The following AGRN variants were observed in gnomAD, a reference collection of about 807,000 sequenced individuals.
AGRN encodes the protein agrin, also known as agrin proteoglycan.
A neutral mutation model predicts 211.0 loss-of-function variants in AGRN; 106 were observed. The ratio of observed to expected loss-of-function variants is 0.50; its 90% CI spans 0.43 to 0.59. The LOEUF (loss-of-function observed/expected upper bound fraction) is 0.59. Ranked by LOEUF, AGRN falls within the 20% of genes least tolerant of loss-of-function variation. AGRN has a pLI of 0.00. For synonymous variants in AGRN, 1,525 were observed against 1,332.5 expected (o/e 1.14, Z -3.15); for missense variants, 3,040 against 2,982.6 (o/e 1.02, Z -0.45).
intron 6 of AGRN, 106 bp from the exon 7 acceptor site, chr1:1,041,850 G>T: frequency 2.6e-6 from 4 of 1,516,000 alleles, no homozygotes; most frequent in Middle Eastern, 2.3e-4. Context: ...CGAGGTGGGC[G>T]GCTCCCCTCT....
chr1:1,054,033 C>T (rs1466502875), intron 34 of AGRN, 56 bp downstream of exon 34: 4 of 1,521,484 alleles, frequency 2.6e-6, no homozygotes, highest in African/African-American at 1.4e-5. Flanking sequence ...CAGACTTGCC[C>T]AGCTGGGCTG....
In AGRN at chr1:1,046,195, G is replaced by A. The variant is rs1458916855; in HGVS notation, c.2841G>A (p.Glu947=). 1.2e-6 allele frequency: 2 copies of A among 1,613,692 alleles called. No homozygotes were observed. Among genetic ancestry groups the A allele is most frequent in the South Asian group, 2.2e-5 (2 of 91,092 alleles). The change falls in exon 17 of 36, where the codon GAG becomes GAA. Residue 947 remains glutamate, a synonymous_variant. Coordinates refer to ENST00000379370, the MANE Select transcript of AGRN (RefSeq NM_198576.4). Reference sequence around the variant, plus strand: ...CAGATGGAGTCACATACGGCAACGAGTGTCAGCTGAAGACCATCGCCTGCC... The same window carrying A: ...CAGATGGAGTCACATACGGCAACGAATGTCAGCTGAAGACCATCGCCTGCC... The part of the protein sequence containing the change: ...CGSDGVTYGN[E]CQLKTIACRQ...
At chr1:1,053,702 C>T in intron 33 of AGRN, 51 bp from the exon 34 acceptor site, 1 of 1,544,338 alleles carries the variant, frequency 6.5e-7, no homozygotes, top group Non-Finnish European at 8.8e-7. Flanking sequence ...CTCCCCCACC[C>T]TGTCCTGTTG....
Position 1,045,273 on chromosome 1 carries a change from C to T in AGRN, c.2367C>T (p.Cys789=), listed in dbSNP as rs765771215. ...CCCGGGGCGTGGGCCTGGCTGGCTGCCCCAGTGAGTACCTGAGCTCAGCCC... is the reference window on the plus strand; with the variant it reads ...CCCGGGGCGTGGGCCTGGCTGGCTGTCCCAGTGAGTACCTGAGCTCAGCCC... ...TAARGVGLAG[C]PSACQCNPHG... The change falls in exon 13 of 36, where the codon TGC becomes TGT. Residue 789 remains cysteine, a synonymous_variant. Coordinates refer to ENST00000379370, the MANE Select transcript of AGRN (RefSeq NM_198576.4). 6.2e-6 allele frequency: 10 copies of T among 1,611,676 alleles called. No individual in the cohort carries two copies. The East Asian group carries it at 2.2e-4, about 36-fold the overall frequency.
At chr1:1,020,830 G>T (rs1338298894) in intron 1 of AGRN, among the ~76,000 whole-genome samples, 1 of 150,276 alleles carries the variant, frequency 6.7e-6, no homozygotes, top group Non-Finnish European at 1.5e-5. Context: ...AGCCAGGTGG[G>T]GGGTGCCGCA....
rs757099636 is a variant in AGRN at position 1,047,587 on chromosome 1, C to T, written c.3531C>T (p.Phe1177=). 1.2e-6 allele frequency: 2 copies of T among 1,612,964 alleles called. No individual in the cohort carries two copies. Among genetic ancestry groups the T allele is most frequent in the Admixed American group, 3.3e-5 (2 of 60,032 alleles). The part of the protein sequence containing the change: ...RSIESTLDDL[F]RNSDVKKDFR... ...CCCTGCCACAGCTGGACGACCTCTTCCGGAATTCAGACGTCAAGAAGGATT... is the reference window on the plus strand; with the variant it reads ...CCCTGCCACAGCTGGACGACCTCTTTCGGAATTCAGACGTCAAGAAGGATT... Residue 1177 remains phenylalanine, a synonymous_variant, in exon 21 of 36, where the codon TTC becomes TTT. Coordinates refer to ENST00000379370, the MANE Select transcript of AGRN (RefSeq NM_198576.4).
chr1:1,048,156 C>A lies in AGRN; in HGVS notation c.3896C>A (p.Ala1299Asp). The A allele has an allele frequency of 6.3e-7, 1 of 1,580,618 alleles. No individual in the cohort carries two copies. The highest frequency in any genetic ancestry group is 8.5e-7 in the Non-Finnish European group (1 of 1,169,980). Residue 1299 changes from alanine to aspartate, a missense_variant, in exon 23 of 36, where the codon GCC becomes GAC. This residue lies in a region of AGRN where 1,537 missense variants were observed against 1,505.0 expected (regional missense o/e 1.02). Coordinates refer to ENST00000379370, the MANE Select transcript of AGRN (RefSeq NM_198576.4). The surrounding 1 kb of genome is among the most constrained non-coding windows in gnomAD (Gnocchi z 5.9). ...PHPSHTSQPVAKTTAAPTTRR... is the reference protein window; with the variant it reads ...PHPSHTSQPVDKTTAAPTTRR... ...CCCAGTCACACAAGCCAGCCCGTTG[C>A]CAAGACCACGGCAGCCCCCACCACA...
Position 1,043,388 on chromosome 1 carries a change from G to A in AGRN, c.1534G>A (p.Ala512Thr), listed in dbSNP as rs780205618. The change falls in exon 8 of 36, where the codon GCG becomes ACG. Residue 512 changes from alanine to threonine, a missense_variant. Around this residue, in one of 3 missense-constraint regions of AGRN, gnomAD observed 1,498 missense variants for 1,457.8 expected, o/e 1.03. Coordinates refer to ENST00000379370, the MANE Select transcript of AGRN (RefSeq NM_198576.4). ...CAGCGACGGCGTCACATACGGCAGCGCGTGCGAGCTGGAGGCCACGGCCTG... is the reference window on the plus strand; with the variant it reads ...CAGCGACGGCGTCACATACGGCAGCACGTGCGAGCTGGAGGCCACGGCCTG... ...CGSDGVTYGS[A>T]CELEATACTL... 1.9e-5 allele frequency: 30 copies of A among 1,608,856 alleles called. No individual in the cohort carries two copies. Among genetic ancestry groups the A allele is most frequent in the African/African-American group, 5.3e-5 (4 of 74,906 alleles).
chr1:1,037,574 C>T (rs562645129), intron 3 of AGRN, among the ~76,000 whole-genome samples: 42 of 144,838 alleles, frequency 2.9e-4, no homozygotes, highest in Non-Finnish European at 5.0e-4. Context: ...CGTCACGCTG[C>T]GGGAGAGTGG....
rs151193996 is a variant in AGRN, at chr1:1,054,859, C to T, written c.6016C>T (p.Pro2006Ser). Reference sequence around the variant, plus strand: ...GGAGCTGCCCGTGGGCCCAGCACTGCCCAAGGCCTACGGCACAGGCTTTGT... The same window carrying T: ...GGAGCTGCCCGTGGGCCCAGCACTGTCCAAGGCCTACGGCACAGGCTTTGT... ...LPELPVGPAL[P>S]KAYGTGFVGC... The change falls in exon 36 of 36, where the codon CCC becomes TCC. Residue 2006 changes from proline (P) to serine (S), a missense_variant. Physicochemically the swap from Pro to Ser is moderately conservative, Grantham distance 74. Coordinates refer to ENST00000379370, the MANE Select transcript of AGRN (RefSeq NM_198576.4). 1.3e-6 allele frequency: 2 copies of T among 1,559,242 alleles called. No individual in the cohort carries two copies. The highest frequency in any genetic ancestry group is 1.7e-6 in the Non-Finnish European group (2 of 1,153,184).
chr1:1,046,402 G>A lies in AGRN; in HGVS notation c.2917G>A (p.Val973Ile), dbSNP rs1311458778. The part of the protein sequence containing the change: ...IQSLGPCQEA[V>I]APSTHPTSAS... ...CAACCTCCCTCTCCTTGCAGAGGCT[G>A]TTGCTCCCAGCACTCACCCGACATC... Residue 973 changes from valine (V) to isoleucine (I), a missense_variant, in exon 18 of 36, where the codon GTT becomes ATT. Transcript: ENST00000379370. 1.9e-6 allele frequency: 3 copies of A among 1,611,808 alleles called. No individual in the cohort carries two copies. The highest frequency in any genetic ancestry group is 2.5e-6 in the Non-Finnish European group (3 of 1,179,628).
chr1:1,047,158 T>C, intron 19 of AGRN, 169 bp from the exon 20 acceptor site: 1 of 1,353,164 alleles, frequency 7.4e-7, no homozygotes, highest in Non-Finnish European at 9.9e-7. Context: ...TGAGGAGTCC[T>C]CCTGGTAACC....
chr1:1,054,715 C>A, intron 35 of AGRN, 109 bp from the exon 36 acceptor site: 3 of 1,499,022 alleles, frequency 2.0e-6, no homozygotes, highest in Non-Finnish European at 2.7e-6. Flanking sequence ...TGCTGTGGGG[C>A]CGGGAGGCGG....
chr1:1,034,319 C>G, intron 2 of AGRN: 5 of 985,482 alleles, frequency 5.1e-6, no homozygotes, highest in Non-Finnish European at 6.0e-6. Flanking sequence ...ACCTCGGAGC[C>G]CACATTTGGG....
At position 1,042,175 on chromosome 1, in the gene AGRN, G is replaced by A. The variant is rs756378995; in HGVS notation, c.1384+13G>A. On this transcript the variant is annotated intron_variant, in intron 7 of 35. Coordinates refer to ENST00000379370, the MANE Select transcript of AGRN (RefSeq NM_198576.4). ...CAGGGCCCGTGTGGTGAGCGCCCCG[G>A]GGTGGAGGCCAGGCGGGGTGGGCTG... is the stretch of plus-strand genomic sequence containing the variant. The A allele has an allele frequency of 4.4e-6, 7 of 1,586,554 alleles. No individual in the cohort carries two copies. In the African/African-American group the frequency reaches 8.0e-5, roughly 18 times the overall value.
At chr1:1,033,495 G>C (rs1644720656) in intron 2 of AGRN, among the ~76,000 whole-genome samples, 1 of 149,872 alleles carries the variant, frequency 6.7e-6, no homozygotes, top group Non-Finnish European at 1.5e-5. Context: ...TCCTCCTCCC[G>C]CGACCTGCCC....
At position 1,049,450 on chromosome 1, in the gene AGRN, G is replaced by C; in HGVS notation, c.4513G>C (p.Val1505Leu). The change falls in exon 25 of 36, where the codon GTG becomes CTG. Residue 1505 changes from valine to leucine, a missense_variant and splice_region_variant. This residue lies in a region of AGRN where 1,537 missense variants were observed against 1,505.0 expected (regional missense o/e 1.02). Coordinates refer to ENST00000379370, the MANE Select transcript of AGRN (RefSeq NM_198576.4). ...VGGVPEDQAA[V>L]ALERTFVGAG... ...CGGCGTACCCGAGGACCAGGCTGCCGTGTGAGTCCCTTGGAGGGTGGTGTG... is the reference window on the plus strand; with the variant it reads ...CGGCGTACCCGAGGACCAGGCTGCCCTGTGAGTCCCTTGGAGGGTGGTGTG... The C allele has an allele frequency of 6.3e-7, 1 of 1,599,930 alleles. No homozygotes were observed. The highest frequency in any genetic ancestry group is 8.5e-7 in the Non-Finnish European group (1 of 1,179,668).
Position 1,041,657 on chromosome 1 carries a change from G to T in AGRN, c.1132G>T (p.Gly378Cys), listed in dbSNP as rs1437531311. ...CATGGGCCGATCGGGGGCCGCCCGG[G>T]GTCTCCTCCTGCAGAAAGTGCGCTC... ...CVMGRSGAAR[G>C]LLLQKVRSGQ... The change falls in exon 6 of 36, where the codon GGT (glycine) becomes TGT (cysteine). Residue 378 changes from glycine (G) to cysteine (C), a missense_variant. Transcript: ENST00000379370. 1 of 1,611,066 alleles carries T rather than the reference G, an allele frequency of 6.2e-7. No individual in the cohort carries two copies. The highest frequency in any genetic ancestry group is 1.1e-5 in the South Asian group (1 of 90,992).
At chr1:1,024,919 G>A (rs1349739651) in intron 2 of AGRN, among the ~76,000 whole-genome samples, 1 of 152,216 alleles carries the variant, frequency 6.6e-6, no homozygotes, top group Non-Finnish European at 1.5e-5. Context: ...GCTTTGTCAG[G>A]GAAGTGGCCT....
Sources: allele counts gnomAD v4.1 joint callset (sites outside exome capture counted in the v4.1 genomes callset), GRCh38; gene constraint gnomAD v4.1.1; regional missense constraint gnomAD v4.1.1; non-coding constraint Gnocchi (gnomAD v3.1); transcripts MANE v1.5; gene names NCBI Gene and HGNC (gene_info 2026-07-23, HGNC 2026-07-21).